CADM2: variants seen among roughly 807,000 people sequenced by gnomAD.
CADM2 encodes the protein cell adhesion molecule 2.
In CADM2, 12 loss-of-function variants were observed where a neutral mutation model predicts 49.8. The observed-to-expected ratio is 0.24, with a 90% CI of 0.15 to 0.39. CADM2 has a LOEUF of 0.39. Among genes scored for constraint, CADM2 ranks in the 10% least tolerant of loss-of-function variants. The probability of loss-of-function intolerance (pLI) is 1.00; values close to 1 mark genes in which losing one functional copy is unlikely to be tolerated. For missense variants in CADM2, 378 were observed against 492.3 expected (o/e 0.77, Z 2.20); for synonymous variants, 214 against 175.4 (o/e 1.22, Z -1.74).
At chr3:85,342,451 TTAA>T (rs1314942637) in intron 1 of CADM2, among the ~76,000 whole-genome samples, 2 of 152,188 alleles carry the variant, frequency 1.3e-5, no homozygotes, top group South Asian at 2.1e-4. Context: ...AATTTATTAT[TTAA>T]TAATAATTTA....
intron 1 of CADM2, among the ~76,000 whole-genome samples, chr3:85,028,176 C>T (rs1487120526): frequency 6.6e-6 from 1 of 152,102 alleles, no homozygotes; most frequent in Non-Finnish European, 1.5e-5. Flanking sequence ...ATGAGGAACC[C>T]TAATATCAGA....
At chr3:85,113,482 A>C (rs2038531311) in intron 1 of CADM2, among the ~76,000 whole-genome samples, 1 of 152,082 alleles carries the variant, frequency 6.6e-6, no homozygotes, top group Non-Finnish European at 1.5e-5. Context: ...CACCAAAGTA[A>C]CACTAACTTT....
intron 1 of CADM2, among the ~76,000 whole-genome samples, chr3:85,427,484 T>C (rs1199006747): frequency 6.6e-6 from 1 of 152,032 alleles, no homozygotes; most frequent in East Asian, 1.9e-4. Flanking sequence ...AATCAATCCA[T>C]ATAATAGTCT....
At chr3:86,030,632 G>A (rs1734442418) in intron 8 of CADM2, among the ~76,000 whole-genome samples, 5 of 151,836 alleles carry the variant, frequency 3.3e-5, no homozygotes, top group Admixed American at 3.3e-4. Flanking sequence ...TGCTTTGTAA[G>A]CTCAGAAACT....
At chr3:85,580,797 A>T (rs1024792077) in intron 1 of CADM2, among the ~76,000 whole-genome samples, 3 of 152,146 alleles carry the variant, frequency 2.0e-5, no homozygotes, top group African/African-American at 7.2e-5. Context: ...GTCAAATTTT[A>T]TATTATAATA....
intron 1 of CADM2, among the ~76,000 whole-genome samples, chr3:85,422,207 T>C (rs1227909742): frequency 6.6e-6 from 1 of 152,218 alleles, no homozygotes; most frequent in Non-Finnish European, 1.5e-5. Flanking sequence ...GTTTTTAATT[T>C]GCTAAAAAGT....
intron 1 of CADM2, among the ~76,000 whole-genome samples, chr3:85,460,677 T>C (rs1392843377): frequency 3.3e-5 from 5 of 152,098 alleles, no homozygotes; most frequent in African/African-American, 4.8e-5. Flanking sequence ...AAATTTAGTA[T>C]AAATCTTAAC....
chr3:85,614,457 TA>T (rs2063750440), intron 1 of CADM2, among the ~76,000 whole-genome samples: 1 of 151,822 alleles, frequency 6.6e-6, no homozygotes, highest in Non-Finnish European at 1.5e-5. Flanking sequence ...AAAATTAATA[TA>T]ATGGGTTTAA....
chr3:86,028,872 G>A (rs189908012), intron 8 of CADM2, among the ~76,000 whole-genome samples: 104 of 152,254 alleles, frequency 6.8e-4, no homozygotes, highest in Admixed American at 1.4e-3. Context: ...ATAGCACCTA[G>A]TAAAATGTCC....
chr3:85,041,230 C>A (rs780804092), intron 1 of CADM2, among the ~76,000 whole-genome samples: 3 of 151,742 alleles, frequency 2.0e-5, no homozygotes, highest in Non-Finnish European at 4.4e-5. Context: ...TGCTTAGCAA[C>A]TTAAATCTGC....
chr3:85,841,574 T>C (rs764468438), intron 3 of CADM2, among the ~76,000 whole-genome samples: 6 of 152,048 alleles, frequency 3.9e-5, no homozygotes, highest in Non-Finnish European at 7.4e-5. Flanking sequence ...TAAAGTCTGA[T>C]AGCTTGTTTC....
At chr3:85,817,526 A>T (rs2073286869) in intron 3 of CADM2, among the ~76,000 whole-genome samples, 1 of 152,186 alleles carries the variant, frequency 6.6e-6, no homozygotes. Context: ...TGTGGGGATG[A>T]TGATCAGTTA....
intron 1 of CADM2, among the ~76,000 whole-genome samples, chr3:85,020,989 C>CGACTG (rs2034478255): frequency 6.6e-6 from 1 of 151,520 alleles, no homozygotes; most frequent in African/African-American, 2.4e-5. Flanking sequence ...CCAGGGCTCA[C>CGACTG]GACTGTAATT....
At chr3:85,723,872 C>A (rs566293029) in intron 1 of CADM2, among the ~76,000 whole-genome samples, 34 of 151,898 alleles carry the variant, frequency 2.2e-4, no homozygotes, top group African/African-American at 8.2e-4. Flanking sequence ...TCTTTGAATT[C>A]ATGCTAAAAT....
intron 1 of CADM2, among the ~76,000 whole-genome samples, chr3:85,515,631 A>ATATATATAT (rs1159969286): frequency 8.1e-4 from 96 of 118,398 alleles, no homozygotes; most frequent in African/African-American, 3.1e-3. Context: ...ATATATATAT[A>ATATATATAT]TTTTTTTTTT....
chr3:85,551,714 G>T lies in CADM2; in HGVS notation c.62-174808G>T, dbSNP rs527749498. Among the ~76,000 whole-genome samples, 23 of 152,138 alleles carry T rather than the reference G, an allele frequency of 1.5e-4. No homozygotes were observed. In the South Asian group the frequency reaches 4.8e-3, roughly 32 times the overall value. On this transcript the variant is annotated intron_variant, in intron 1 of 9. Coordinates refer to ENST00000383699, the MANE Select transcript of CADM2 (RefSeq NM_001167675.2). Reference sequence around the variant, plus strand: ...AAATAGCAGTACTAACACAACACAAGGCAATCCTTTTTCGAGTACCTTATT... The same window carrying T: ...AAATAGCAGTACTAACACAACACAATGCAATCCTTTTTCGAGTACCTTATT...
At chr3:85,596,050 T>C (rs1308734838) in intron 1 of CADM2, among the ~76,000 whole-genome samples, 1 of 151,978 alleles carries the variant, frequency 6.6e-6, no homozygotes, top group Non-Finnish European at 1.5e-5. Flanking sequence ...AATTACTATA[T>C]GATTTATCAT....
At chr3:85,912,701 A>G (rs1206847199) in intron 6 of CADM2, among the ~76,000 whole-genome samples, 158 bp downstream of exon 6, 1 of 152,210 alleles carries the variant, frequency 6.6e-6, no homozygotes, top group African/African-American at 2.4e-5. Context: ...TCAGGTTCAA[A>G]GGAAAACACT....
rs186095271 is a variant in CADM2 at position 85,962,599 on chromosome 3, A to G, written c.970+952A>G. Among the ~76,000 whole-genome samples, 242 of 152,014 alleles carry G rather than the reference A, an allele frequency of 1.6e-3. 2 individuals carry two copies. Among genetic ancestry groups the G allele is most frequent in the Admixed American group, 2.0e-3 (30 of 15,218 alleles). ...TTTTTCATAAGGTAGCTTCTTTTAG[A>G]TATTGTTAGATGGAGATGAATTTTT... On this transcript the variant is annotated intron_variant, in intron 8 of 9. Transcript: ENST00000383699.
Sources: gnomAD v4.1 joint callset for allele counts (sites outside exome capture counted in the v4.1 genomes callset) on GRCh38, gnomAD v4.1.1 for gene constraint, MANE v1.5 for transcripts, NCBI Gene and HGNC (gene_info 2026-07-23, HGNC 2026-07-21) for gene names.